Variants in LY75 observed in about 807,000 individuals in gnomAD.
LY75 encodes the protein C-type lectin domain family 13 member B.
LY75 carries 185 observed loss-of-function variants against 231.7 expected under a neutral mutation model. That is an observed-to-expected ratio of 0.80 (90% CI 0.71 to 0.90). The LOEUF is 0.90. LY75 is among the 40% of genes least tolerant of loss of function. LY75 has a pLI of 0.00. For missense variants in LY75, 1,947 were observed against 2,050.2 expected, an observed-to-expected ratio of 0.95 and a Z score of 0.97; for synonymous variants, 668 against 689.0, an observed-to-expected ratio of 0.97 and a Z score of 0.48.
chr2:159,885,170 T>A lies in LY75; in HGVS notation c.1037A>T (p.Asn346Ile). The change falls in exon 6 of 35, where the codon AAT (asparagine) becomes ATT (isoleucine). Residue 346 changes from asparagine (N) to isoleucine (I), a missense_variant. Transcript: ENST00000263636. ...AAAGATACCTGTTAACTCCACTGTA[T>A]TATTTAATGGTTTCCTGCAGACATA... ...LPYVCRKPLN[N>I]TVELTDVWTY... The A allele has an allele frequency of 6.2e-7, 1 of 1,613,432 alleles. No individual in the cohort carries two copies. Among genetic ancestry groups the A allele is most frequent in the Non-Finnish European group, 8.5e-7 (1 of 1,179,584 alleles).
At chr2:159,902,648 C>G (rs970381024) in intron 1 of LY75, 10 of 152,166 alleles carry the variant, frequency 6.6e-5, no homozygotes, top group African/African-American at 1.4e-4. Context: ...GAGTCTCTAC[C>G]ATGTGTTCGG....
rs2125881991 is a variant in LY75 at position 159,890,276 on chromosome 2, A to G, written c.739T>C (p.Cys247Arg). 6.2e-7 allele frequency: 1 copy of G among 1,613,578 alleles called. No individual in the cohort carries two copies. Among genetic ancestry groups the G allele is most frequent in the South Asian group, 1.1e-5 (1 of 91,074 alleles). ...ALSWKEAYVS[C>R]QNQGADLLSI... ...AGTAAATCAGCTCCTTGATTCTGACATGAAACATAAGCTTCTTTCCAAGAA... is the reference window on the plus strand; with the variant it reads ...AGTAAATCAGCTCCTTGATTCTGACGTGAAACATAAGCTTCTTTCCAAGAA... Residue 247 changes from cysteine (C) to arginine (R), a missense_variant, in exon 4 of 35, where the codon TGT (cysteine) becomes CGT (arginine). Coordinates refer to ENST00000263636, the MANE Select transcript of LY75 (RefSeq NM_002349.4).
chr2:159,850,188 G>A, intron 22 of LY75, 48 bp from the exon 23 acceptor site: 1 of 1,557,856 alleles, frequency 6.4e-7, no homozygotes, highest in Non-Finnish European at 8.7e-7. Context: ...TCAAATTAAA[G>A]ATACATTAAA....
rs1165370810 is a variant in LY75 at position 159,878,546 on chromosome 2, GA to G, written c.1605-54del. 3.7e-6 allele frequency: 6 copies of G among 1,611,972 alleles called. No individual in the cohort carries two copies. The African/African-American group carries it at 8.0e-5, about 22-fold the overall frequency. Reference sequence around the variant, plus strand: ...TGTTTCACAATGATTGACTCTATTTGAAGATGCACCTTTTACTTAGGAAGAC... The same window carrying G: ...TGTTTCACAATGATTGACTCTATTTGAGATGCACCTTTTACTTAGGAAGAC... On this transcript the variant is annotated intron_variant, in intron 10 of 34. Transcript: ENST00000263636.
intron 33 of LY75, 169 bp downstream of exon 33, chr2:159,808,280 G>A (rs1682848216): frequency 1.2e-6 from 1 of 810,228 alleles, no homozygotes; most frequent in African/African-American, 1.9e-5. Context: ...GTTAACTCAT[G>A]GATTCATTCA....
intron 20 of LY75, 120 bp downstream of exon 20, chr2:159,853,153 A>G: frequency 9.5e-7 from 1 of 1,047,192 alleles, no homozygotes; most frequent in Non-Finnish European, 1.4e-6. Context: ...CTAATAATAA[A>G]TCAGAATAAG....
chr2:159,820,833 T>C (rs748571493), intron 28 of LY75, among the ~76,000 whole-genome samples: 3 of 152,204 alleles, frequency 2.0e-5, no homozygotes, highest in Non-Finnish European at 2.9e-5. Context: ...TGCATACTTA[T>C]GGTCAATTAA....
intron 16 of LY75, 141 bp downstream of exon 16, chr2:159,858,221 G>T: frequency 2.0e-6 from 2 of 985,040 alleles, no homozygotes; most frequent in South Asian, 2.3e-5. Context: ...CAGGCAGGGG[G>T]TGCTCCACAT....
intron 25 of LY75, among the ~76,000 whole-genome samples, chr2:159,839,892 GCTA>G (rs2125846289): frequency 6.6e-6 from 1 of 151,572 alleles, no homozygotes; most frequent in East Asian, 1.9e-4. Flanking sequence ...TGTAATCCCA[GCTA>G]CTGAGGAGGC....
chr2:159,832,399 A>C (rs1683690935), intron 27 of LY75, among the ~76,000 whole-genome samples: 1 of 152,234 alleles, frequency 6.6e-6, no homozygotes, highest in African/African-American at 2.4e-5. Flanking sequence ...CCTTATGAGA[A>C]TCTAACTAAG....
chr2:159,899,106 C>T lies in LY75; in HGVS notation c.95-47G>A, dbSNP rs1449389142. 3 of 1,576,578 alleles carry T rather than the reference C, an allele frequency of 1.9e-6. No homozygotes were observed. In the East Asian group the frequency reaches 6.7e-5, roughly 35 times the overall value. On this transcript the variant is annotated intron_variant, in intron 1 of 34. Transcript: ENST00000263636. Reference sequence around the variant, plus strand: ...ATTGTAGATTATGTGGTTGAAGCGCCTTGCTCCCTGCCTGCTGAGGAGAGT... The same window carrying T: ...ATTGTAGATTATGTGGTTGAAGCGCTTTGCTCCCTGCCTGCTGAGGAGAGT...
chr2:159,816,150 T>C (rs1683114284), intron 30 of LY75, among the ~76,000 whole-genome samples: 1 of 152,186 alleles, frequency 6.6e-6, no homozygotes, highest in Non-Finnish European at 1.5e-5. Context: ...TTATTTAAAT[T>C]AAAACTACAA....
intron 13 of LY75, among the ~76,000 whole-genome samples, chr2:159,869,797 T>C (rs879470957): frequency 7.9e-5 from 12 of 152,228 alleles, no homozygotes; most frequent in Admixed American, 7.9e-4. Context: ...TATAAAATGT[T>C]TTGTGTCTGC....
chr2:159,846,733 A>G (rs1684213131), intron 23 of LY75, among the ~76,000 whole-genome samples: 1 of 152,218 alleles, frequency 6.6e-6, no homozygotes, highest in Admixed American at 6.5e-5. Context: ...AAAACTTAGG[A>G]AAGTATTTGC....
chr2:159,838,699 G>T (rs972953736), intron 25 of LY75, among the ~76,000 whole-genome samples: 33 of 152,312 alleles, frequency 2.2e-4, no homozygotes, highest in Admixed American at 1.8e-3. Context: ...GATAAAGCAA[G>T]TAAATGCAAT....
chr2:159,888,591 AT>A (rs1423643382), intron 4 of LY75, among the ~76,000 whole-genome samples: 1 of 152,186 alleles, frequency 6.6e-6, no homozygotes, highest in African/African-American at 2.4e-5. Context: ...TTTATCAAAT[AT>A]TTCCAGTTAT....
intron 23 of LY75, among the ~76,000 whole-genome samples, chr2:159,843,565 G>A (rs1413358218): frequency 6.6e-6 from 1 of 150,478 alleles, no homozygotes; most frequent in Non-Finnish European, 1.5e-5. Context: ...TCCTTATATT[G>A]ACCTTATAAG....
chr2:159,854,314 A>T (rs1684484015), intron 18 of LY75, 46 bp downstream of exon 18: 2 of 1,244,804 alleles, frequency 1.6e-6, no homozygotes, highest in East Asian at 6.4e-5. Context: ...AAATGGAATA[A>T]ATACAAAAAT....
In LY75 at chr2:159,819,919, A is replaced by G. The variant is rs1683234525; in HGVS notation, c.3960T>C (p.Asn1320=). 1 of 1,543,492 alleles carries G rather than the reference A, an allele frequency of 6.5e-7. No homozygotes were observed. The highest frequency in any genetic ancestry group is 8.7e-7 in the Non-Finnish European group (1 of 1,153,452). Residue 1320 remains asparagine, a splice_region_variant and synonymous_variant, in exon 29 of 35, where the codon AAT becomes AAC. Transcript: ENST00000263636. ...SWVMLGITYR[N]KSLMWFDKTP... ...TCTTATCAAACCACATAAGAGACTTATCTAGAGAAGAAACATTTTTTCCTA... is the reference window on the plus strand; with the variant it reads ...TCTTATCAAACCACATAAGAGACTTGTCTAGAGAAGAAACATTTTTTCCTA...
Sources: gnomAD v4.1 joint callset for allele counts (sites outside exome capture counted in the v4.1 genomes callset) on GRCh38, gnomAD v4.1.1 for gene constraint, MANE v1.5 for transcripts, NCBI Gene and HGNC (gene_info 2026-07-23, HGNC 2026-07-21) for gene names.